Variants in PTPRT observed in about 807,000 individuals in gnomAD.
The protein encoded by PTPRT is receptor-type tyrosine-protein phosphatase T.
A neutral mutation model predicts 176.8 loss-of-function variants in PTPRT; 56 were observed. The observed-to-expected ratio is 0.32, with a 90% CI of 0.26 to 0.40. The LOEUF is 0.40. Among genes scored for constraint, PTPRT ranks in the 10% least tolerant of loss-of-function variants. PTPRT has a pLI of 1.00. For missense variants in PTPRT, 1,540 were observed against 1,908.2 expected (o/e 0.81, Z 3.60); for synonymous variants, 783 against 739.0 (o/e 1.06, Z -0.96).
At chr20:42,154,861 G>C (rs992748753) in intron 17 of PTPRT, among the ~76,000 whole-genome samples, 1 of 152,308 alleles carries the variant, frequency 6.6e-6, no homozygotes, top group South Asian at 2.1e-4. Flanking sequence ...ACTGGAGCTG[G>C]GGGGGAAGCA....
intron 23 of PTPRT, among the ~76,000 whole-genome samples, chr20:42,108,076 A>G (rs1986639437): frequency 6.6e-6 from 1 of 152,136 alleles, no homozygotes; most frequent in South Asian, 2.1e-4. Flanking sequence ...TTCAATGTTC[A>G]TATTCACCAT....
chr20:42,193,395 G>T (rs888967526), intron 16 of PTPRT, among the ~76,000 whole-genome samples: 4 of 152,230 alleles, frequency 2.6e-5, no homozygotes, highest in African/African-American at 9.6e-5. Context: ...CTATCAGTAA[G>T]GAAGTGAAGT....
chr20:42,057,595 T>TC, the PTPRT span, among the ~76,000 whole-genome samples: 1 of 151,528 alleles, frequency 6.6e-6, no homozygotes, highest in East Asian at 1.9e-4. Context: ...ATTGTTCTTA[T>TC]CTTTTTTTTT....
chr20:42,313,007 T>C (rs566340401), intron 12 of PTPRT, among the ~76,000 whole-genome samples: 26 of 152,040 alleles, frequency 1.7e-4, no homozygotes, highest in African/African-American at 6.0e-4. Flanking sequence ...CAGGATGAGA[T>C]AGGAAGTCGG....
rs191201170 is a variant in PTPRT at position 42,328,012 on chromosome 20, G to A, written c.1866-12016C>T. ...AGTCTATATTCTGTATATATAATGG[G>A]ATAGAACCAGAAATTGCTAAATCAA... is the stretch of plus-strand genomic sequence containing the variant. On this transcript the variant is annotated intron_variant, in intron 11 of 30. Transcript: ENST00000373187. Among the ~76,000 whole-genome samples, 156 of 152,140 alleles carry A rather than the reference G, an allele frequency of 1.0e-3. 8 individuals are homozygous for A. In the East Asian group the frequency reaches 0.022, roughly 21 times the overall value.
chr20:42,530,601 T>G (rs545994697), intron 7 of PTPRT, among the ~76,000 whole-genome samples: 52 of 152,344 alleles, frequency 3.4e-4, no homozygotes, highest in Non-Finnish European at 5.4e-4. Context: ...AAATTCAACC[T>G]CTGAGTACCA....
At chr20:42,037,373 G>T in the PTPRT span, among the ~76,000 whole-genome samples, 4 of 152,170 alleles carry the variant, frequency 2.6e-5, no homozygotes, top group African/African-American at 9.6e-5. Flanking sequence ...AGTGAGCTCA[G>T]AGCCAACACT....
intron 12 of PTPRT, among the ~76,000 whole-genome samples, chr20:42,294,708 A>G (rs2057363883): frequency 6.6e-6 from 1 of 152,072 alleles, no homozygotes; most frequent in East Asian, 1.9e-4. Flanking sequence ...TAGAAGTAAT[A>G]TTACAAACTG....
rs1161994908 is a variant in PTPRT, at chr20:42,646,882, C to CTTTTTTTTT, written c.1153+30975_1153+30983dup. 1.1e-3 allele frequency among the ~76,000 whole-genome samples: 85 copies of CTTTTTTTTT among 76,282 alleles called. 15 individuals are homozygous for CTTTTTTTTT. The highest frequency in any genetic ancestry group is 5.6e-3 in the African/African-American group (75 of 13,366). The allele number at this position is 76,282 out of a possible 152,430, so 50.0% of individuals were successfully genotyped here. On this transcript the variant is annotated intron_variant, in intron 7 of 30. Coordinates refer to ENST00000373187, the MANE Select transcript of PTPRT (RefSeq NM_007050.6). ...TCTAGAGATCCCAACCTAAGACAGC[C>CTTTTTTTTT]TTTTTTTTTTTTTTTTTTTTTTTTT... is the stretch of plus-strand genomic sequence containing the variant.
At chr20:42,316,023 G>A (rs2057716526) in intron 11 of PTPRT, 27 bp from the exon 12 acceptor site, 4 of 1,609,274 alleles carry the variant, frequency 2.5e-6, no homozygotes, top group African/African-American at 2.7e-5. Flanking sequence ...AGACACAGAT[G>A]GTTGAGCAAC....
In PTPRT at chr20:42,080,348, G is replaced by A. The variant is rs76975261; in HGVS notation, c.*531C>T. On this transcript the variant is annotated 3_prime_UTR_variant, in exon 31 of 31. Transcript: ENST00000373187. ...CCTCTCTTGTGGCCTAGGGAACATC[G>A]TAAGGTCACACTGGTCCAGACTGCA... 1,966 of 233,088 alleles carry A rather than the reference G, an allele frequency of 8.4e-3. 39 individuals are homozygous for A. The highest frequency in any genetic ancestry group is 0.04 in the African/African-American group (1,815 of 45,424). 14.4% of individuals were successfully genotyped at this position (233,088 alleles called of 1,614,324 possible).
intron 12 of PTPRT, among the ~76,000 whole-genome samples, chr20:42,312,147 C>G (rs1024862830): frequency 2.6e-5 from 4 of 152,202 alleles, no homozygotes; most frequent in Non-Finnish European, 5.9e-5. Flanking sequence ...TTTATGCTCA[C>G]TGTAGGTCTT....
intron 6 of PTPRT, among the ~76,000 whole-genome samples, chr20:42,703,718 C>G (rs2146171495): frequency 6.6e-6 from 1 of 152,310 alleles, no homozygotes; most frequent in African/African-American, 2.4e-5. Context: ...CAAGGCCATA[C>G]AAGAATCCAA....
At chr20:42,320,572 G>C (rs1035690457) in intron 11 of PTPRT, among the ~76,000 whole-genome samples, 5 of 152,256 alleles carry the variant, frequency 3.3e-5, no homozygotes, top group Admixed American at 1.3e-4. Context: ...CTGAGTTCAG[G>C]TTCTTCCAGA....
chr20:42,144,665 CA>C (rs1358522504), intron 17 of PTPRT, among the ~76,000 whole-genome samples: 1 of 152,154 alleles, frequency 6.6e-6, no homozygotes, highest in South Asian at 2.1e-4. Context: ...ATTATCAGAC[CA>C]TGTTTTGATT....
chr20:42,467,352 C>T (rs1209265832), intron 8 of PTPRT, among the ~76,000 whole-genome samples: 3 of 152,072 alleles, frequency 2.0e-5, no homozygotes, highest in Non-Finnish European at 2.9e-5. Flanking sequence ...ATCTAAGTGA[C>T]CATATGTGAC....
At chr20:42,559,608 G>A (rs1457755321) in intron 7 of PTPRT, among the ~76,000 whole-genome samples, 1 of 152,144 alleles carries the variant, frequency 6.6e-6, no homozygotes, top group Non-Finnish European at 1.5e-5. Context: ...ACAGGGCACG[G>A]CATGACATTA....
chr20:42,193,840 C>T (rs1459455231), intron 16 of PTPRT, among the ~76,000 whole-genome samples: 3 of 152,188 alleles, frequency 2.0e-5, no homozygotes, highest in Non-Finnish European at 2.9e-5. Context: ...CTGACCTTCA[C>T]ATTTTCCTGA....
chr20:42,825,730 A>G (rs756100057), intron 2 of PTPRT, among the ~76,000 whole-genome samples: 6 of 152,170 alleles, frequency 3.9e-5, no homozygotes, highest in Non-Finnish European at 8.8e-5. Flanking sequence ...TACCAAGAGA[A>G]TGGGGAAAAA....
Sources: gnomAD v4.1 joint callset for allele counts (sites outside exome capture counted in the v4.1 genomes callset) on GRCh38, gnomAD v4.1.1 for gene constraint, MANE v1.5 for transcripts, NCBI Gene and HGNC (gene_info 2026-07-23, HGNC 2026-07-21) for gene names.